SSX2IP: variants seen among roughly 807,000 people sequenced by gnomAD.
SSX2IP encodes afadin- and alpha-actinin-binding protein.
Under a neutral mutation model 84.9 loss-of-function variants are expected in SSX2IP, and 55 were observed. The observed-to-expected ratio is 0.65, with a 90% CI of 0.52 to 0.81. SSX2IP has a LOEUF of 0.81. SSX2IP is among the 30% of genes least tolerant of loss of function. The pLI, the probability that SSX2IP is intolerant of heterozygous loss-of-function variation, is 0.00. For missense variants in SSX2IP, 664 were observed against 705.2 expected (o/e 0.94, Z 0.66); for synonymous variants, 239 against 234.7 (o/e 1.02, Z -0.17).
intron 5 of SSX2IP, among the ~76,000 whole-genome samples, chr1:84,665,575 G>A (rs546532474): frequency 1.3e-5 from 2 of 152,082 alleles, no homozygotes; most frequent in African/African-American, 4.8e-5. Context: ...TAGTGCTATA[G>A]GTCCAAGTAA....
At chr1:84,661,957 ACTT>A (rs1356016851) in intron 8 of SSX2IP, among the ~76,000 whole-genome samples, 2 of 152,224 alleles carry the variant, frequency 1.3e-5, no homozygotes, top group South Asian at 2.1e-4. Flanking sequence ...CTTATAAAGC[ACTT>A]CTTAACAGTG....
intron 13 of SSX2IP, chr1:84,650,007 A>C (rs1557461861): frequency 6.4e-6 from 4 of 627,334 alleles, no homozygotes; most frequent in South Asian, 4.5e-5. Flanking sequence ...TACTCTACAA[A>C]AACTGTCAAA....
intron 1 of SSX2IP, among the ~76,000 whole-genome samples, chr1:84,671,680 C>T (rs993564283): frequency 3.9e-5 from 6 of 152,120 alleles, no homozygotes; most frequent in Non-Finnish European, 8.8e-5. Context: ...TCTTGGCCAG[C>T]ATTTTCATTT....
At chr1:84,680,550 A>G (rs1415673960) in intron 1 of SSX2IP, among the ~76,000 whole-genome samples, 1 of 152,152 alleles carries the variant, frequency 6.6e-6, no homozygotes, top group Non-Finnish European at 1.5e-5. Context: ...AATGCTAGCT[A>G]TTATTAGCTA....
At chr1:84,662,123 A>C in intron 8 of SSX2IP, 75 bp downstream of exon 8, 1 of 992,004 alleles carries the variant, frequency 1.0e-6, no homozygotes, top group Non-Finnish European at 1.5e-6. Context: ...GTCCCCATTG[A>C]GAATGCCTAC....
At chr1:84,659,424 C>G (rs1432330496) in intron 8 of SSX2IP, among the ~76,000 whole-genome samples, 3 of 152,194 alleles carry the variant, frequency 2.0e-5, no homozygotes, top group Non-Finnish European at 4.4e-5. Context: ...TCAAAAGCTA[C>G]TTGCCAGTAA....
chr1:84,663,876 C>T lies in SSX2IP; in HGVS notation c.673+541G>A, dbSNP rs115795427. On this transcript the variant is annotated intron_variant, in intron 6 of 13. Coordinates refer to ENST00000342203, the MANE Select transcript of SSX2IP (RefSeq NM_001166293.2). ...TACACTATCTACTTGAAATTATCCA[C>T]ATATTTGGATGAAATGGCTTAAAGT... 2.9e-3 allele frequency among the ~76,000 whole-genome samples: 434 copies of T among 152,268 alleles called. 3 individuals carry two copies. The highest frequency in any genetic ancestry group is 1.0e-2 in the African/African-American group (414 of 41,542).
chr1:84,656,614 GTA>G, intron 9 of SSX2IP, 130 bp from the exon 10 acceptor site: 2 of 732,460 alleles, frequency 2.7e-6, no homozygotes, highest in Non-Finnish European at 3.9e-6. Context: ...TTTCTAAAAA[GTA>G]GTTACGTCCT....
intron 9 of SSX2IP, among the ~76,000 whole-genome samples, chr1:84,657,061 C>T (rs1483152368): frequency 2.0e-5 from 3 of 152,144 alleles, no homozygotes; most frequent in African/African-American, 4.8e-5. Context: ...GCTGATTGCT[C>T]TTTACTAATA....
rs904285388 is a variant in SSX2IP at position 84,647,198 on chromosome 1, A to T, written c.*235T>A. ...TTTGTTTCCATCCAAACATCTATAC[A>T]TTCCTTTATTCACAGAACCAGATGC... On this transcript the variant is annotated 3_prime_UTR_variant, in exon 14 of 14. Transcript: ENST00000342203. 3.0e-5 allele frequency: 10 copies of T among 333,350 alleles called. No individual in the cohort carries two copies. The East Asian group carries it at 4.9e-4, about 16-fold the overall frequency. 20.6% of individuals were successfully genotyped at this position (333,350 alleles called of 1,614,324 possible).
rs1041951025 is a variant in SSX2IP, at chr1:84,646,723, T to C, written c.*710A>G. 6.6e-6 allele frequency: 1 copy of C among 152,596 alleles called. No homozygotes were observed. Among genetic ancestry groups the C allele is most frequent in the African/African-American group, 2.4e-5 (1 of 41,460 alleles). The allele number at this position is 152,596 out of a possible 1,614,324, so 9.5% of individuals were successfully genotyped here. On this transcript the variant is annotated 3_prime_UTR_variant, in exon 14 of 14. Coordinates refer to ENST00000342203, the MANE Select transcript of SSX2IP (RefSeq NM_001166293.2). ...AATCTCAAAAATGTAATGTTAGTAG[T>C]GTTGATTATCTAAAGAACTCAGCTT... is the stretch of plus-strand genomic sequence containing the variant.
rs145865099 is a variant in SSX2IP, at chr1:84,683,295, G to A, written c.-90+7076C>T. ...TCCCCTCAAGCTGCTTTTTCAAACCGAACAAGTATTCTCTTCTTTACCACC... is the reference window on the plus strand; with the variant it reads ...TCCCCTCAAGCTGCTTTTTCAAACCAAACAAGTATTCTCTTCTTTACCACC... On this transcript the variant is annotated intron_variant, in intron 1 of 13. Coordinates refer to ENST00000342203, the MANE Select transcript of SSX2IP (RefSeq NM_001166293.2). 1.9e-3 allele frequency among the ~76,000 whole-genome samples: 293 copies of A among 152,000 alleles called. 2 individuals carry two copies. Among genetic ancestry groups the A allele is most frequent in the African/African-American group, 6.7e-3 (277 of 41,420 alleles).
chr1:84,689,969 G>A (rs74098443), intron 1 of SSX2IP, among the ~76,000 whole-genome samples: 3,872 of 152,078 alleles, frequency 0.025, 167 homozygotes, highest in African/African-American at 0.088. Flanking sequence ...CACGGCCGCT[G>A]CTGAGACTCT....
chr1:84,660,071 G>A (rs1421555035), intron 8 of SSX2IP, among the ~76,000 whole-genome samples: 3 of 152,058 alleles, frequency 2.0e-5, no homozygotes, highest in Non-Finnish European at 1.5e-5. Flanking sequence ...AAGTAAGTAG[G>A]TCAAATAATA....
At chr1:84,675,195 C>G (rs151014856) in intron 1 of SSX2IP, among the ~76,000 whole-genome samples, 1 of 152,126 alleles carries the variant, frequency 6.6e-6, no homozygotes, top group Non-Finnish European at 1.5e-5. Flanking sequence ...CAGGAACACA[C>G]GTTCATATTA....
intron 3 of SSX2IP, 101 bp from the exon 4 acceptor site, chr1:84,669,994 T>A: frequency 2.5e-6 from 2 of 790,288 alleles, no homozygotes; most frequent in South Asian, 3.5e-5. Context: ...GTTTAATAGA[T>A]CTATTGTACA....
chr1:84,663,199 C>T (rs913425564), intron 6 of SSX2IP, among the ~76,000 whole-genome samples: 5 of 151,856 alleles, frequency 3.3e-5, no homozygotes, highest in African/African-American at 1.2e-4. Flanking sequence ...AAACATTTGG[C>T]GTAAAAAGGA....
intron 11 of SSX2IP, among the ~76,000 whole-genome samples, chr1:84,654,385 G>GAA (rs1291362932): frequency 6.6e-6 from 1 of 151,220 alleles, no homozygotes; most frequent in Admixed American, 6.6e-5. Flanking sequence ...AGTTTTGAAG[G>GAA]AAAAAAAACT....
intron 3 of SSX2IP, 119 bp from the exon 4 acceptor site, chr1:84,670,012 G>A: frequency 3.0e-6 from 2 of 672,642 alleles, no homozygotes; most frequent in Non-Finnish European, 2.5e-6. Context: ...ACAACACGGT[G>A]ACCTCAGCTA....
Sources: allele counts gnomAD v4.1 joint callset (sites outside exome capture counted in the v4.1 genomes callset), GRCh38; gene constraint gnomAD v4.1.1; transcripts MANE v1.5; gene names NCBI Gene and HGNC (gene_info 2026-07-23, HGNC 2026-07-21).